Variants in TTN observed in about 807,000 individuals in gnomAD.
The protein encoded by TTN is connectin.
Under a neutral mutation model 3,223.0 loss-of-function variants are expected in TTN, and 1,525 were observed. That is an observed-to-expected ratio of 0.47 (90% CI 0.45 to 0.49). The LOEUF is 0.49. TTN is among the 20% of genes least tolerant of loss of function. The pLI is 0.00. For missense variants in TTN, 40,786 were observed against 43,424.0 expected, an observed-to-expected ratio of 0.94 and a Z score of 5.40; for synonymous variants, 14,094 against 15,161.0, an observed-to-expected ratio of 0.93 and a Z score of 5.17.
rs2154302055 is a variant in TTN, at chr2:178,722,479, A to G, written c.22308T>C (p.Val7436=). ...AGCCATTTAATCGACAAGTGAGTGT[A>G]ACAGGTAACCCCACAGTTTGTTCAA... ...KDIEQTVGLP[V]TLTCRLNGSA... The change falls in exon 77 of 363, where the codon GTT becomes GTC. Residue 7436 remains valine, a synonymous_variant. Transcript: ENST00000589042. 1 of 1,613,490 alleles carries G rather than the reference A, an allele frequency of 6.2e-7. No homozygotes were observed. The highest frequency in any genetic ancestry group is 2.2e-5 in the East Asian group (1 of 44,864).
intron 47 of TTN, chr2:178,749,923 T>A: frequency 6.2e-7 from 1 of 1,613,216 alleles, no homozygotes; most frequent in Non-Finnish European, 8.5e-7. Flanking sequence ...CTTGTAACAT[T>A]TTTGGTGGTT....
At position 178,636,510 on chromosome 2, in the gene TTN, T is replaced by G. The variant is rs2060461606; in HGVS notation, c.41217A>C (p.Lys13739Asn). 1 of 1,613,370 alleles carries G rather than the reference T, an allele frequency of 6.2e-7. No individual in the cohort carries two copies. Among genetic ancestry groups the G allele is most frequent in the Non-Finnish European group, 8.5e-7 (1 of 1,179,590 alleles). Residue 13739 changes from lysine to asparagine, a missense_variant, in exon 225 of 363, where the codon AAA (lysine) becomes AAC (asparagine). Lys to Asn is a moderately conservative substitution (Grantham distance 94). Coordinates refer to ENST00000589042, the MANE Select transcript of TTN (RefSeq NM_001267550.2). This position sits in a 1 kb window ranked among gnomAD's most constrained non-coding sequence, Gnocchi z 4.3. ...CATCAATGATGTGCAGCTTTCTGTC[T>G]TTACCATCTGCAATAAACCTGTGCT... ...SPKHRFIADG[K>N]DRKLHIIDVQ...
chr2:178,582,339 G>T lies in TTN; in HGVS notation c.66117C>A (p.Gly22039=), dbSNP rs369516025. 1 of 1,607,214 alleles carries T rather than the reference G, an allele frequency of 6.2e-7. No homozygotes were observed. Among genetic ancestry groups the T allele is most frequent in the Admixed American group, 1.7e-5 (1 of 59,334 alleles). Residue 22039 remains glycine, a synonymous_variant, in exon 314 of 363, where the codon GGC becomes GGA. Transcript: ENST00000589042. ...TTGCTGGTTCAGTGAAGACTGGATC[G>T]CCTACTCCATATTTATTTTCAGCAC... is the stretch of plus-strand genomic sequence containing the variant. ...RICAENKYGV[G]DPVFTEPAIA... is the part of the protein sequence containing the mutation.
In TTN at chr2:178,584,780, C is replaced by A; in HGVS notation, c.64861G>T (p.Val21621Phe). The change falls in exon 310 of 363, where the codon GTT becomes TTT. Residue 21621 changes from valine to phenylalanine, a missense_variant. Physicochemically the swap from Val to Phe is conservative, Grantham distance 50 (BLOSUM62 -1). Transcript: ENST00000589042. ...LASVTKTSCR[V>F]GKLIPGQEYI... Reference sequence around the variant, plus strand: ...TCCTGGCCTGGGATCAGCTTTCCAACCCTGCAGGAAGTTTTTGTGACTGAA... The same window carrying A: ...TCCTGGCCTGGGATCAGCTTTCCAAACCTGCAGGAAGTTTTTGTGACTGAA... 3.1e-6 allele frequency: 5 copies of A among 1,613,474 alleles called. No homozygotes were observed. The highest frequency in any genetic ancestry group is 4.2e-6 in the Non-Finnish European group (5 of 1,179,558).
rs775600228 is a variant in TTN at position 178,541,398 on chromosome 2, C to T, written c.97679G>A (p.Arg32560His). Residue 32560 changes from arginine (R) to histidine (H), a missense_variant, in exon 350 of 363, where the codon CGC becomes CAC. Transcript: ENST00000589042. ...TAAGCCTTCAGTAAGGCCAGTGGAG[C>T]GGTACCGTGTCATTGTCACAGGTAC... ...NKVPVTMTRYRSTGLTEGLEY... is the reference protein window; with the variant it reads ...NKVPVTMTRYHSTGLTEGLEY... 18 of 1,611,844 alleles carry T rather than the reference C, an allele frequency of 1.1e-5. No individual in the cohort carries two copies. The highest frequency in any genetic ancestry group is 3.3e-5 in the Admixed American group (2 of 59,848).
In TTN at chr2:178,560,015, C is replaced by T. The variant is rs199788826; in HGVS notation, c.86117G>A (p.Arg28706Gln). Residue 28706 changes from arginine (R) to glutamine (Q), a missense_variant, in exon 326 of 363, where the codon CGA (arginine) becomes CAA (glutamine). Transcript: ENST00000589042. The part of the protein sequence containing the change: ...TDWKTSIQSL[R>Q]GTEYTISGLT... ...TCCGCTTATTGTATATTCTGTCCCT[C>T]GTAAGCTCTGAATGGAAGTTTTCCA... 583 of 1,613,702 alleles carry T rather than the reference C, an allele frequency of 3.6e-4. 11 individuals carry two copies. The highest frequency in any genetic ancestry group is 3.5e-3 in the South Asian group (320 of 91,078).
Position 178,728,667 on chromosome 2 carries a change from T to G in TTN, c.19259A>C (p.Lys6420Thr). 1.2e-6 allele frequency: 2 copies of G among 1,613,396 alleles called. No homozygotes were observed. Among genetic ancestry groups the G allele is most frequent in the South Asian group, 2.2e-5 (2 of 91,064 alleles). Residue 6420 changes from lysine (K) to threonine (T), a missense_variant, in exon 66 of 363, where the codon AAA (lysine) becomes ACA (threonine). Lys to Thr is a moderately conservative substitution (Grantham distance 78). Coordinates refer to ENST00000589042, the MANE Select transcript of TTN (RefSeq NM_001267550.2). ...GTPELKVKWL[K>T]DGKQIVPSRY... ...ACTGGGAACTATTTGTTTCCCGTCTTTAAGCCATTTCACTTTGAGTTCTGG... is the reference window on the plus strand; with the variant it reads ...ACTGGGAACTATTTGTTTCCCGTCTGTAAGCCATTTCACTTTGAGTTCTGG...
intron 170 of TTN, 45 bp from the exon 171 acceptor site, chr2:178,663,755 A>C (rs1174783463): frequency 6.2e-7 from 1 of 1,611,888 alleles, no homozygotes; most frequent in East Asian, 2.2e-5. Context: ...TATGAAGACC[A>C]CTGGAAAAAA....
At chr2:178,749,996 G>C (rs756404322) in intron 47 of TTN, 1 of 1,613,158 alleles carries the variant, frequency 6.2e-7, no homozygotes, top group South Asian at 1.1e-5. Flanking sequence ...TTGATCTTGA[G>C]GCATTGCTTT....
chr2:178,767,857 C>T lies in TTN; in HGVS notation c.9373G>A (p.Gly3125Arg). Residue 3125 changes from glycine to arginine, a missense_variant, in exon 40 of 363, where the codon GGG becomes AGG. Physicochemically the swap from Gly to Arg is moderately radical, Grantham distance 125 (BLOSUM62 -2). Transcript: ENST00000589042. The part of the protein sequence containing the change: ...LIPSTRMSDA[G>R]KYTVVAGGNV... ...CCTCCTGCCACCACTGTGTACTTCC[C>T]AGCATCAGACATCCGGGTGGATGGG... The T allele has an allele frequency of 1.2e-6, 2 of 1,614,106 alleles. No individual in the cohort carries two copies. Among genetic ancestry groups the T allele is most frequent in the Non-Finnish European group, 8.5e-7 (1 of 1,180,006 alleles).
rs761874347 is a variant in TTN at position 178,580,442 on chromosome 2, T to C, written c.66937A>G (p.Thr22313Ala). The C allele has an allele frequency of 5.0e-6, 8 of 1,613,156 alleles. 1 individual carries two copies. Among genetic ancestry groups the C allele is most frequent in the South Asian group, 2.2e-5 (2 of 91,060 alleles). Residue 22313 changes from threonine to alanine, a missense_variant, in exon 317 of 363, where the codon ACT becomes GCT. Coordinates refer to ENST00000589042, the MANE Select transcript of TTN (RefSeq NM_001267550.2). ...RDRIGLDIKS[T>A]DFDTFLRCEN... ...CAGCGCAAGAAAGTGTCAAAGTCAG[T>C]TGACTTTATGTCCAGTCCAATCCTG...
At position 178,654,133 on chromosome 2, in the gene TTN, C is replaced by T. The variant is rs116792417; in HGVS notation, c.38381-38G>A. 8.5e-3 allele frequency: 13,489 copies of T among 1,592,982 alleles called. 942 individuals are homozygous for T. The African/African-American group carries it at 0.15, about 17-fold the overall frequency. ...TAGTATTTTTATAATTTATGAATGG[C>T]GAAGGTATATATTACAGTGATTGTG... On this transcript the variant is annotated intron_variant, in intron 193 of 362. Transcript: ENST00000589042.
At chr2:178,640,429 G>T (rs2061087860) in intron 221 of TTN, 112 bp downstream of exon 221, 12 of 984,688 alleles carry the variant, frequency 1.2e-5, no homozygotes, top group Non-Finnish European at 1.5e-6. Flanking sequence ...TAAGCCATAT[G>T]TGATTAACAG....
At chr2:178,757,497 G>A (rs1437061834) in intron 45 of TTN, 45 bp downstream of exon 45, 3 of 1,502,004 alleles carry the variant, frequency 2.0e-6, no homozygotes, top group Non-Finnish European at 2.7e-6. Context: ...GTGGGACTGA[G>A]AGGTATACAG....
At chr2:178,527,384 G>A in intron 362 of TTN, 62 bp downstream of exon 362, 2 of 1,582,444 alleles carry the variant, frequency 1.3e-6, no homozygotes, top group Middle Eastern at 1.7e-4. Flanking sequence ...TGAATTGTGT[G>A]TACTAAAGAC....
chr2:178,542,010 T>G (rs1694796209), intron 349 of TTN: 1 of 353,038 alleles, frequency 2.8e-6, no homozygotes, highest in East Asian at 4.4e-5. Context: ...CATTCCTTTC[T>G]TCCTAACTCC....
rs1575264600 is a variant in TTN, at chr2:178,533,429, A to G, written c.103186T>C (p.Trp34396Arg). The G allele has an allele frequency of 2.5e-6, 4 of 1,613,724 alleles. No individual in the cohort carries two copies. Among genetic ancestry groups the G allele is most frequent in the Non-Finnish European group, 3.4e-6 (4 of 1,179,842 alleles). Residue 34396 changes from tryptophan (W) to arginine (R), a missense_variant, in exon 358 of 363, where the codon TGG (tryptophan) becomes CGG (arginine). Physicochemically the swap from Trp to Arg is moderately radical, Grantham distance 101. Transcript: ENST00000589042. ...VSGIPPPTLK[W>R]EKDGQPLSLG... is the part of the protein sequence containing the mutation. The stretch of plus-strand genomic sequence containing the variant: ...GACAGTGGCTGACCATCTTTCTCCC[A>G]TTTTAATGTTGGTGGGGGGATGCCA...
At chr2:178,748,595 T>C in intron 47 of TTN, 1 of 1,613,156 alleles carries the variant, frequency 6.2e-7, no homozygotes, top group Non-Finnish European at 8.5e-7. Flanking sequence ...GATTTTAAAA[T>C]AAGCTTCTTC....
chr2:178,709,133 A>G (rs967395885), intron 99 of TTN, among the ~76,000 whole-genome samples: 1 of 152,220 alleles, frequency 6.6e-6, no homozygotes, highest in African/African-American at 2.4e-5. Context: ...ATAATCCTTT[A>G]GAAATACACT....
Sources: gnomAD v4.1 joint callset for allele counts (sites outside exome capture counted in the v4.1 genomes callset) on GRCh38, gnomAD v4.1.1 for gene constraint, Gnocchi (gnomAD v3.1) non-coding constraint, MANE v1.5 for transcripts, NCBI Gene and HGNC (gene_info 2026-07-23, HGNC 2026-07-21) for gene names.